The following CACNA2D3 variants were observed in gnomAD, a reference collection of about 807,000 sequenced individuals.
The protein encoded by CACNA2D3 is voltage-dependent calcium channel subunit alpha-2/delta-3.
A neutral mutation model predicts 160.6 loss-of-function variants in CACNA2D3; 60 were observed. The ratio of observed to expected loss-of-function variants is 0.37; its 90% CI spans 0.30 to 0.46. CACNA2D3 has a LOEUF of 0.46. Ranked by LOEUF, CACNA2D3 falls within the 20% of genes least tolerant of loss-of-function variation. CACNA2D3 has a pLI of 1.00. For missense variants in CACNA2D3, 1,205 were observed against 1,365.0 expected (o/e 0.88, Z 1.85); for synonymous variants, 558 against 492.9 (o/e 1.13, Z -1.75).
chr3:54,739,953 T>C (rs1575451052), intron 11 of CACNA2D3, among the ~76,000 whole-genome samples: 2 of 152,216 alleles, frequency 1.3e-5, no homozygotes, highest in African/African-American at 4.8e-5. Flanking sequence ...AGAGACCATA[T>C]GGATTTTTTC....
chr3:54,341,122 C>T (rs547807076), intron 3 of CACNA2D3, among the ~76,000 whole-genome samples: 1 of 152,340 alleles, frequency 6.6e-6, no homozygotes, highest in African/African-American at 2.4e-5. Context: ...GTCACTTTCA[C>T]TAAGATAACT....
At chr3:54,686,056 C>T (rs1173057739) in intron 11 of CACNA2D3, among the ~76,000 whole-genome samples, 3 of 152,212 alleles carry the variant, frequency 2.0e-5, no homozygotes, top group South Asian at 4.1e-4. Flanking sequence ...TCTCGATTCT[C>T]ATAGCAGGAC....
chr3:54,471,338 GTTC>G (rs1325166709), intron 4 of CACNA2D3, among the ~76,000 whole-genome samples: 1 of 152,172 alleles, frequency 6.6e-6, no homozygotes, highest in Non-Finnish European at 1.5e-5. Context: ...AAATATATAA[GTTC>G]TTTGAAACCA....
intron 11 of CACNA2D3, among the ~76,000 whole-genome samples, chr3:54,713,897 G>A (rs1401883307): frequency 6.6e-6 from 1 of 152,108 alleles, no homozygotes. Context: ...TGCATCATAT[G>A]TAATTACAAG....
intron 3 of CACNA2D3, among the ~76,000 whole-genome samples, chr3:54,358,451 T>C (rs1291416564): frequency 6.6e-6 from 1 of 152,160 alleles, no homozygotes; most frequent in African/African-American, 2.4e-5. Flanking sequence ...TTCAAGTGAG[T>C]CACTTTGGCA....
At chr3:54,829,078 A>G (rs1016802088) in intron 14 of CACNA2D3, among the ~76,000 whole-genome samples, 2 of 152,236 alleles carry the variant, frequency 1.3e-5, no homozygotes, top group African/African-American at 4.8e-5. Context: ...TCTAAAGAAT[A>G]TAAGAGCAGA....
At chr3:54,570,865 A>G (rs973145554) in intron 8 of CACNA2D3, among the ~76,000 whole-genome samples, 2 of 152,084 alleles carry the variant, frequency 1.3e-5, no homozygotes, top group Admixed American at 1.3e-4. Flanking sequence ...AAAAGAGGCA[A>G]ACTCTGCAAA....
chr3:54,885,108 G>T (rs1699890786), intron 21 of CACNA2D3, among the ~76,000 whole-genome samples, 173 bp from the exon 22 acceptor site: 1 of 152,100 alleles, frequency 6.6e-6, no homozygotes, highest in Non-Finnish European at 1.5e-5. Flanking sequence ...GTCCTGCCTG[G>T]AAGGGAACTC....
At chr3:54,351,367 A>T (rs896384814) in intron 3 of CACNA2D3, among the ~76,000 whole-genome samples, 1 of 151,842 alleles carries the variant, frequency 6.6e-6, no homozygotes. Context: ...CGCCATTTTT[A>T]ATTTTACTGC....
At chr3:54,484,478 G>A (rs188415989) in intron 4 of CACNA2D3, among the ~76,000 whole-genome samples, 99 of 152,262 alleles carry the variant, frequency 6.5e-4, no homozygotes, top group Non-Finnish European at 1.1e-3. Flanking sequence ...TGTTACCGTG[G>A]TAACCGGGGA....
At chr3:54,158,925 A>G (rs1224606188) in intron 2 of CACNA2D3, among the ~76,000 whole-genome samples, 1 of 152,212 alleles carries the variant, frequency 6.6e-6, no homozygotes, top group Non-Finnish European at 1.5e-5. Context: ...GTATTGTCGT[A>G]TGACTTACTT....
chr3:54,510,361 T>G (rs1372138939), intron 5 of CACNA2D3, among the ~76,000 whole-genome samples: 1 of 152,128 alleles, frequency 6.6e-6, no homozygotes, highest in Admixed American at 6.5e-5. Context: ...AATGACCCCA[T>G]GTGTTATAGA....
chr3:54,860,622 G>A (rs1273575423), intron 17 of CACNA2D3, among the ~76,000 whole-genome samples: 1 of 152,188 alleles, frequency 6.6e-6, no homozygotes, highest in Non-Finnish European at 1.5e-5. Flanking sequence ...TGGAATTCTA[G>A]GGACCTGGTT....
At position 54,161,499 on chromosome 3, in the gene CACNA2D3, A is replaced by G. The variant is rs542054323; in HGVS notation, c.204+37905A>G. On this transcript the variant is annotated intron_variant, in intron 2 of 37. Transcript: ENST00000474759. Reference sequence around the variant, plus strand: ...GTGTCTTTAGCGTCACAGTTAGCCCACCTTTGCTTCTGCATATGAATTAGT... The same window carrying G: ...GTGTCTTTAGCGTCACAGTTAGCCCGCCTTTGCTTCTGCATATGAATTAGT... 6.3e-4 allele frequency among the ~76,000 whole-genome samples: 96 copies of G among 152,330 alleles called. No homozygotes were observed. In the Middle Eastern group the frequency reaches 0.014, roughly 22 times the overall value.
intron 4 of CACNA2D3, among the ~76,000 whole-genome samples, chr3:54,473,211 G>C (rs924098784): frequency 2.0e-5 from 3 of 151,918 alleles, no homozygotes; most frequent in Non-Finnish European, 4.4e-5. Context: ...CAGAACAGAG[G>C]CCTCCGAAAT....
intron 4 of CACNA2D3, among the ~76,000 whole-genome samples, chr3:54,436,832 G>T (rs1010166072): frequency 6.6e-6 from 1 of 152,142 alleles, no homozygotes; most frequent in African/African-American, 2.4e-5. Context: ...AAGGCATGCG[G>T]GGCTTAAAAC....
chr3:54,711,043 C>G (rs1035199386), intron 11 of CACNA2D3, among the ~76,000 whole-genome samples: 4 of 152,076 alleles, frequency 2.6e-5, no homozygotes, highest in African/African-American at 9.7e-5. Flanking sequence ...AAATAACAAA[C>G]AGGGGAGAGG....
intron 2 of CACNA2D3, among the ~76,000 whole-genome samples, chr3:54,291,106 A>G (rs1330206651): frequency 6.6e-6 from 1 of 152,260 alleles, no homozygotes; most frequent in Non-Finnish European, 1.5e-5. Flanking sequence ...GATGGAAAAC[A>G]TCGTGGCAGG....
At chr3:54,386,694 G>GTTTTTTTTTTTTTT in intron 3 of CACNA2D3, 21 bp from the exon 4 acceptor site, 6 of 1,407,594 alleles carry the variant, frequency 4.3e-6, no homozygotes, top group East Asian at 5.1e-5. Context: ...GCTGTCTTCT[G>GTTTTTTTTTTTTTT]TTTTTTTTTT....
Sources: gnomAD v4.1 joint callset for allele counts (sites outside exome capture counted in the v4.1 genomes callset) on GRCh38, gnomAD v4.1.1 for gene constraint, MANE v1.5 for transcripts, NCBI Gene and HGNC (gene_info 2026-07-23, HGNC 2026-07-21) for gene names.